The following LRP1B variants were observed in gnomAD, a reference collection of about 807,000 sequenced individuals.
The protein encoded by LRP1B is LDL receptor related protein 1B.
A neutral mutation model predicts 556.6 loss-of-function variants in LRP1B; 217 were observed. The observed-to-expected ratio is 0.39, with a 90% CI of 0.35 to 0.44. LRP1B has a LOEUF of 0.44. Among genes scored for constraint, LRP1B ranks in the 20% least tolerant of loss-of-function variants. LRP1B has a pLI of 1.00. For missense variants in LRP1B, 5,053 were observed against 5,620.8 expected, an observed-to-expected ratio of 0.90 and a Z score of 3.23; for synonymous variants, 2,047 against 1,865.8, an observed-to-expected ratio of 1.10 and a Z score of -2.50.
intron 1 of LRP1B, among the ~76,000 whole-genome samples, chr2:141,926,458 C>A (rs1700336193): frequency 6.6e-6 from 1 of 152,128 alleles, no homozygotes. Context: ...TTACAATATT[C>A]CAGATCTGAA....
At chr2:140,628,789 A>T (rs1488674598) in intron 41 of LRP1B, among the ~76,000 whole-genome samples, 1 of 152,038 alleles carries the variant, frequency 6.6e-6, no homozygotes, top group African/African-American at 2.4e-5. Context: ...GTGGGAGGTG[A>T]TTGGATCATG....
intron 1 of LRP1B, among the ~76,000 whole-genome samples, chr2:141,927,580 T>C (rs190332930): frequency 3.9e-4 from 60 of 152,154 alleles, no homozygotes; most frequent in African/African-American, 1.4e-3. Flanking sequence ...TGATTCCTTT[T>C]TAATCTACTT....
chr2:141,297,798 A>G, intron 3 of LRP1B, among the ~76,000 whole-genome samples: 1 of 152,160 alleles, frequency 6.6e-6, no homozygotes, highest in East Asian at 1.9e-4. Flanking sequence ...TGTACTTTTT[A>G]TATGTCTAAA....
At chr2:141,375,056 TATG>T (rs1190618154) in intron 3 of LRP1B, among the ~76,000 whole-genome samples, 1 of 152,132 alleles carries the variant, frequency 6.6e-6, no homozygotes, top group Non-Finnish European at 1.5e-5. Context: ...AAGATGTATG[TATG>T]TTGTTGGTTA....
intron 43 of LRP1B, among the ~76,000 whole-genome samples, chr2:140,543,556 T>C (rs1201269774): frequency 6.6e-6 from 1 of 152,006 alleles, no homozygotes; most frequent in African/African-American, 2.4e-5. Context: ...ATATGGCTTC[T>C]ATTATTGACA....
intron 3 of LRP1B, among the ~76,000 whole-genome samples, chr2:141,334,956 A>G (rs752389112): frequency 6.6e-6 from 1 of 152,220 alleles, no homozygotes; most frequent in Non-Finnish European, 1.5e-5. Flanking sequence ...TCTCCATGAG[A>G]GATTCAATAG....
At chr2:140,552,638 C>G (rs1292595017) in intron 43 of LRP1B, among the ~76,000 whole-genome samples, 1 of 152,122 alleles carries the variant, frequency 6.6e-6, no homozygotes. Flanking sequence ...CAAGCCTAGT[C>G]AGAGTCTTTA....
chr2:141,441,062 T>A (rs1442406590), intron 3 of LRP1B, among the ~76,000 whole-genome samples: 2 of 151,982 alleles, frequency 1.3e-5, no homozygotes, highest in African/African-American at 4.8e-5. Context: ...CTGATTTTTT[T>A]TTTATTTTTT....
intron 2 of LRP1B, among the ~76,000 whole-genome samples, chr2:141,669,865 T>C (rs1574220942): frequency 1.3e-5 from 2 of 152,162 alleles, no homozygotes; most frequent in South Asian, 4.1e-4. Flanking sequence ...AGCGATTCTC[T>C]TGCCTCAGCC....
chr2:141,889,959 T>G (rs1699233191), intron 1 of LRP1B, among the ~76,000 whole-genome samples: 1 of 151,854 alleles, frequency 6.6e-6, no homozygotes, highest in African/African-American at 2.4e-5. Context: ...ACAATGCCAT[T>G]ATCTTTCCTT....
chr2:141,774,298 G>T (rs1257016619), intron 2 of LRP1B, among the ~76,000 whole-genome samples: 2 of 152,136 alleles, frequency 1.3e-5, no homozygotes, highest in African/African-American at 2.4e-5. Context: ...GAAGTGTGGT[G>T]TTGGCATCTA....
intron 1 of LRP1B, among the ~76,000 whole-genome samples, chr2:141,913,233 C>A (rs2104956589): frequency 6.6e-6 from 1 of 152,030 alleles, no homozygotes; most frequent in East Asian, 1.9e-4. Context: ...TATTTTGCCA[C>A]AATAAAAAAT....
chr2:141,800,145 T>C (rs1161069180), intron 2 of LRP1B, among the ~76,000 whole-genome samples: 1 of 152,146 alleles, frequency 6.6e-6, no homozygotes, highest in Non-Finnish European at 1.5e-5. Flanking sequence ...CTAAAATGAA[T>C]GGCTGAACAT....
At chr2:141,245,118 G>A (rs1473717868) in intron 5 of LRP1B, among the ~76,000 whole-genome samples, 4 of 152,106 alleles carry the variant, frequency 2.6e-5, no homozygotes, top group East Asian at 1.9e-4. Context: ...AATAGAAACA[G>A]CAAATAACAA....
chr2:141,133,495 A>G (rs183207395), intron 7 of LRP1B, among the ~76,000 whole-genome samples: 1 of 152,174 alleles, frequency 6.6e-6, no homozygotes, highest in Admixed American at 6.6e-5. Context: ...CCATTTCTGT[A>G]AAATGAGAAT....
intron 2 of LRP1B, among the ~76,000 whole-genome samples, chr2:141,600,879 G>A (rs1687708818): frequency 6.6e-6 from 1 of 152,056 alleles, no homozygotes; most frequent in African/African-American, 2.4e-5. Flanking sequence ...TGGTTTAGTT[G>A]GCATCCGAAC....
At chr2:141,576,947 C>T (rs1486978065) in intron 2 of LRP1B, among the ~76,000 whole-genome samples, 4 of 151,710 alleles carry the variant, frequency 2.6e-5, no homozygotes, top group African/African-American at 9.7e-5. Context: ...CATAAGCCAC[C>T]ATGCCCAGCC....
chr2:141,971,775 C>A (rs979210800), intron 1 of LRP1B, among the ~76,000 whole-genome samples: 1 of 151,364 alleles, frequency 6.6e-6, no homozygotes, highest in Admixed American at 6.6e-5. Context: ...CATTCTCCAG[C>A]CTTTACTTCC....
At chr2:141,127,495 C>T (rs1422597349) in intron 7 of LRP1B, among the ~76,000 whole-genome samples, 1 of 152,086 alleles carries the variant, frequency 6.6e-6, no homozygotes, top group African/African-American at 2.4e-5. Context: ...AACCCAAATG[C>T]CCATCAGTAA....
Sources: allele counts gnomAD v4.1 joint callset (sites outside exome capture counted in the v4.1 genomes callset), GRCh38; gene constraint gnomAD v4.1.1; transcripts MANE v1.5; gene names NCBI Gene and HGNC (gene_info 2026-07-23, HGNC 2026-07-21).